TLK2: variants seen among roughly 807,000 people sequenced by gnomAD.
TLK2 encodes the protein serine/threonine-protein kinase tousled-like 2.
Under a neutral mutation model 117.3 loss-of-function variants are expected in TLK2, and 6 were observed. That is an observed-to-expected ratio of 0.05 (90% CI 0.03 to 0.10). TLK2 has a LOEUF of 0.10. TLK2 is among the 10% of genes least tolerant of loss of function. The probability of loss-of-function intolerance (pLI) is 1.00; values close to 1 mark genes in which losing one functional copy is unlikely to be tolerated. For synonymous variants in TLK2, 257 were observed against 316.7 expected (o/e 0.81, Z 2.00); for missense variants, 299 against 901.2 (o/e 0.33, Z 8.56).
intron 2 of TLK2, among the ~76,000 whole-genome samples, chr17:62,495,572 G>A (rs1405142041): frequency 2.0e-5 from 3 of 150,918 alleles, no homozygotes; most frequent in South Asian, 2.1e-4. Context: ...AAGCCACCAC[G>A]CCTGGCTGAG....
At chr17:62,606,022 A>C (rs1340684585) in intron 19 of TLK2, 108 bp from the exon 20 acceptor site, 2 of 484,014 alleles carry the variant, frequency 4.1e-6, no homozygotes, top group Admixed American at 3.9e-5. Context: ...AAAAAAAAAA[A>C]AAAACGATAT....
chr17:62,536,147 T>A (rs2077099845), intron 6 of TLK2, 23 bp from the exon 7 acceptor site: 1 of 1,604,726 alleles, frequency 6.2e-7, no homozygotes, highest in African/African-American at 1.3e-5. Flanking sequence ...ATGTCATTTG[T>A]GTGTTTCTTT....
chr17:62,601,674 A>G (rs1460695026), intron 18 of TLK2, among the ~76,000 whole-genome samples: 13 of 152,110 alleles, frequency 8.5e-5, no homozygotes, highest in Admixed American at 8.5e-4. Context: ...TTCCTCCCCC[A>G]CACCCCAAGT....
intron 2 of TLK2, among the ~76,000 whole-genome samples, chr17:62,492,864 G>A (rs1232905113): frequency 2.0e-5 from 3 of 152,018 alleles, no homozygotes; most frequent in Non-Finnish European, 4.4e-5. Context: ...TTGGGAGGCC[G>A]AGGTGGGCAG....
chr17:62,554,199 C>A (rs576569508), intron 9 of TLK2, among the ~76,000 whole-genome samples: 1 of 152,166 alleles, frequency 6.6e-6, no homozygotes, highest in African/African-American at 2.4e-5. Context: ...TAAAATGCTT[C>A]ATCTGGAATT....
rs372442397 is a variant in TLK2, at chr17:62,543,342, AC to A, written c.531+7006del. 3.5e-3 allele frequency among the ~76,000 whole-genome samples: 526 copies of A among 152,294 alleles called. 6 individuals are homozygous for A. Among genetic ancestry groups the A allele is most frequent in the African/African-American group, 0.012 (510 of 41,560 alleles). ...CATGTATAAGACTTTGTGTAGACAT[AC>A]GTTTTCGTTTCTTTTGGATATATGC... On this transcript the variant is annotated intron_variant, in intron 7 of 21. Coordinates refer to ENST00000346027, the MANE Select transcript of TLK2 (RefSeq NM_006852.6).
intron 21 of TLK2, chr17:62,612,107 G>A (rs964063344): frequency 1.2e-5 from 3 of 254,962 alleles, no homozygotes; most frequent in African/African-American, 6.7e-5. Context: ...TAGTGCTTTG[G>A]GGGCAGGAGT....
chr17:62,505,328 CA>C (rs2074578960), intron 2 of TLK2, among the ~76,000 whole-genome samples: 1 of 150,044 alleles, frequency 6.7e-6, no homozygotes, highest in African/African-American at 2.4e-5. Flanking sequence ...ACTGCTGTCT[CA>C]AACTCCTGGA....
chr17:62,602,271 C>A, intron 19 of TLK2, 91 bp downstream of exon 19: 1 of 1,367,830 alleles, frequency 7.3e-7, no homozygotes, highest in Non-Finnish European at 9.8e-7. Flanking sequence ...TGTATGCTAT[C>A]TGCTAGGCAA....
At chr17:62,559,733 G>C (rs143877492) in intron 9 of TLK2, among the ~76,000 whole-genome samples, 4 of 152,194 alleles carry the variant, frequency 2.6e-5, no homozygotes, top group Non-Finnish European at 5.9e-5. Context: ...GATTACAAGA[G>C]TAGCTGTAAC....
chr17:62,547,018 G>T (rs2077998912), intron 7 of TLK2, among the ~76,000 whole-genome samples: 1 of 152,026 alleles, frequency 6.6e-6, no homozygotes, highest in South Asian at 2.1e-4. Flanking sequence ...AATTTTTGTA[G>T]CTACAGTATA....
intron 6 of TLK2, among the ~76,000 whole-genome samples, chr17:62,526,218 G>T (rs2076358013): frequency 6.6e-6 from 1 of 152,170 alleles, no homozygotes; most frequent in African/African-American, 2.4e-5. Flanking sequence ...ACTCAGCATG[G>T]TTGGAGGAAA....
chr17:62,524,084 T>G (rs1212203069), intron 5 of TLK2, 152 bp from the exon 6 acceptor site: 9 of 468,422 alleles, frequency 1.9e-5, no homozygotes, highest in Non-Finnish European at 3.4e-5. Flanking sequence ...TAGCAGAATT[T>G]GACTTGTGTG....
chr17:62,593,646 G>A (rs2082241977), intron 16 of TLK2, among the ~76,000 whole-genome samples: 1 of 151,874 alleles, frequency 6.6e-6, no homozygotes, highest in Non-Finnish European at 1.5e-5. Flanking sequence ...TGTCCCACTG[G>A]AAGCTCTTCA....
intron 17 of TLK2, among the ~76,000 whole-genome samples, chr17:62,598,769 C>T (rs960360914): frequency 3.9e-5 from 6 of 152,106 alleles, no homozygotes; most frequent in African/African-American, 1.2e-4. Context: ...GTGATCCGCC[C>T]GCCTGGGCCT....
intron 2 of TLK2, 63 bp downstream of exon 2, chr17:62,481,269 T>C: frequency 6.3e-7 from 1 of 1,580,418 alleles, no homozygotes. Flanking sequence ...TTTTAAATGA[T>C]TAAGAGCAAT....
Position 62,502,563 on chromosome 17 carries a change from A to T in TLK2, c.82-18210A>T, listed in dbSNP as rs549737026. Among the ~76,000 whole-genome samples the T allele has an allele frequency of 2.0e-4, 31 of 152,348 alleles. No individual in the cohort carries two copies. The Middle Eastern group carries it at 0.014, about 67-fold the overall frequency. ...CCAATGAAATAAGACAAGTAAAAGGAATAATCTTACAGATTACAAAGTAAA... is the reference window on the plus strand; with the variant it reads ...CCAATGAAATAAGACAAGTAAAAGGTATAATCTTACAGATTACAAAGTAAA... On this transcript the variant is annotated intron_variant, in intron 2 of 21. Coordinates refer to ENST00000346027, the MANE Select transcript of TLK2 (RefSeq NM_006852.6).
chr17:62,607,426 G>A (rs1258674975), intron 20 of TLK2, among the ~76,000 whole-genome samples: 1 of 151,920 alleles, frequency 6.6e-6, no homozygotes, highest in Non-Finnish European at 1.5e-5. Flanking sequence ...CTACTCGGGA[G>A]GCTGAGGCAG....
chr17:62,504,702 G>C (rs935493690), intron 2 of TLK2, among the ~76,000 whole-genome samples: 3 of 152,114 alleles, frequency 2.0e-5, no homozygotes, highest in African/African-American at 7.2e-5. Context: ...CAGCTACTTG[G>C]GAGGCTGAGA....
Sources: allele counts gnomAD v4.1 joint callset (sites outside exome capture counted in the v4.1 genomes callset), GRCh38; gene constraint gnomAD v4.1.1; transcripts MANE v1.5; gene names NCBI Gene and HGNC (gene_info 2026-07-23, HGNC 2026-07-21).